Variants in GRID1 observed in about 807,000 individuals in gnomAD.
GRID1 encodes glutamate receptor ionotropic, delta-1.
Under a neutral mutation model 98.0 loss-of-function variants are expected in GRID1, and 28 were observed. The ratio of observed to expected loss-of-function variants is 0.29; its 90% CI spans 0.21 to 0.39. GRID1 has a LOEUF of 0.39. Ranked by LOEUF, GRID1 falls within the 10% of genes least tolerant of loss-of-function variation. GRID1 has a pLI of 1.00. For missense variants in GRID1, 1,111 were observed against 1,340.5 expected, an observed-to-expected ratio of 0.83 and a Z score of 2.67; for synonymous variants, 553 against 538.5, an observed-to-expected ratio of 1.03 and a Z score of -0.37.
At chr10:85,929,542 T>C (rs1841821463) in intron 4 of GRID1, among the ~76,000 whole-genome samples, 1 of 152,228 alleles carries the variant, frequency 6.6e-6, no homozygotes. Flanking sequence ...TTTTAAAATT[T>C]AAATATCAAA....
At chr10:86,173,844 T>C (rs1342745446) in intron 3 of GRID1, among the ~76,000 whole-genome samples, 3 of 151,574 alleles carry the variant, frequency 2.0e-5, no homozygotes, top group Admixed American at 6.6e-5. Context: ...TTTGTTCTTG[T>C]GATAGTTTAC....
intron 4 of GRID1, among the ~76,000 whole-genome samples, chr10:86,131,477 C>A (rs939940819): frequency 6.6e-6 from 1 of 152,154 alleles, no homozygotes; most frequent in South Asian, 2.1e-4. Flanking sequence ...ATTTAATGAC[C>A]CACAAAGGAA....
chr10:86,179,388 C>A (rs187869115), intron 3 of GRID1, among the ~76,000 whole-genome samples: 1 of 152,166 alleles, frequency 6.6e-6, no homozygotes, highest in Non-Finnish European at 1.5e-5. Context: ...AGGCTCTCCC[C>A]GATGGCGTGC....
At chr10:85,638,264 T>C (rs1373819254) in intron 13 of GRID1, among the ~76,000 whole-genome samples, 1 of 152,158 alleles carries the variant, frequency 6.6e-6, no homozygotes, top group Non-Finnish European at 1.5e-5. Flanking sequence ...ATTATAAAAA[T>C]ATAAGTTTTC....
intron 1 of GRID1, among the ~76,000 whole-genome samples, chr10:86,364,578 G>C (rs1025775832): frequency 6.6e-6 from 1 of 152,236 alleles, no homozygotes; most frequent in Admixed American, 6.5e-5. Flanking sequence ...CCCCTGCTGA[G>C]TGGAGCTGAG....
intron 2 of GRID1, among the ~76,000 whole-genome samples, chr10:86,316,437 C>G (rs375894497): frequency 1.4e-4 from 21 of 152,258 alleles, no homozygotes; most frequent in African/African-American, 2.2e-4. Context: ...AACAATCCCC[C>G]CCATCAGGCA....
chr10:86,273,811 A>C (rs1847224342), intron 2 of GRID1, among the ~76,000 whole-genome samples: 1 of 152,138 alleles, frequency 6.6e-6, no homozygotes, highest in African/African-American at 2.4e-5. Context: ...TCTGGATATT[A>C]GCCCTTTGTC....
intron 4 of GRID1, among the ~76,000 whole-genome samples, chr10:86,017,960 C>T (rs183957201): frequency 2.4e-4 from 36 of 152,296 alleles, no homozygotes; most frequent in African/African-American, 8.4e-4. Flanking sequence ...AGACTCAGTG[C>T]TACAGCTGCC....
intron 8 of GRID1, among the ~76,000 whole-genome samples, chr10:85,777,679 T>C (rs1842344776): frequency 6.6e-6 from 1 of 152,232 alleles, no homozygotes; most frequent in Admixed American, 6.5e-5. Flanking sequence ...TTTTGCCTAC[T>C]AAAGAGACTT....
intron 12 of GRID1, among the ~76,000 whole-genome samples, chr10:85,699,701 A>T (rs1470443500): frequency 6.6e-6 from 1 of 152,208 alleles, no homozygotes; most frequent in Non-Finnish European, 1.5e-5. Flanking sequence ...ATTGGAAGGA[A>T]TTCTACCTCA....
intron 12 of GRID1, among the ~76,000 whole-genome samples, chr10:85,687,522 T>C (rs1389287569): frequency 6.6e-6 from 1 of 151,970 alleles, no homozygotes; most frequent in East Asian, 1.9e-4. Context: ...CACAGCACTT[T>C]GGGAGGCTGA....
intron 12 of GRID1, among the ~76,000 whole-genome samples, chr10:85,695,606 G>A (rs1196201598): frequency 2.0e-5 from 3 of 152,010 alleles, no homozygotes; most frequent in African/African-American, 7.2e-5. Context: ...AGGAATAGAA[G>A]AATAAAAAGA....
intron 3 of GRID1, among the ~76,000 whole-genome samples, chr10:86,167,940 C>G (rs901769665): frequency 1.3e-5 from 2 of 152,216 alleles, no homozygotes; most frequent in African/African-American, 4.8e-5. Flanking sequence ...ACAGTGGGTT[C>G]TCCAGGACAG....
chr10:85,853,698 C>G (rs1843081644), intron 8 of GRID1, among the ~76,000 whole-genome samples: 1 of 152,206 alleles, frequency 6.6e-6, no homozygotes, highest in African/African-American at 2.4e-5. Flanking sequence ...CACATTGGCT[C>G]ACAGTGACCA....
Position 85,726,750 on chromosome 10 carries a change from C to T in GRID1, c.1533+1105G>A, listed in dbSNP as rs534654806. On this transcript the variant is annotated intron_variant, in intron 10 of 15. Transcript: ENST00000327946. Reference sequence around the variant, plus strand: ...AAGATAGAAAGTAGATTAATGGTTGCCTAGGGCTGGGGGTGGGAATGGCAT... The same window carrying T: ...AAGATAGAAAGTAGATTAATGGTTGTCTAGGGCTGGGGGTGGGAATGGCAT... Among the ~76,000 whole-genome samples the T allele has an allele frequency of 4.6e-5, 7 of 152,196 alleles. No homozygotes were observed. In the South Asian group the frequency reaches 1.5e-3, roughly 32 times the overall value.
intron 2 of GRID1, among the ~76,000 whole-genome samples, chr10:86,363,330 G>GCGGCGGCGCCTCCGC (rs1209554714): frequency 3.2e-4 from 48 of 152,212 alleles, no homozygotes; most frequent in South Asian, 4.1e-4. Flanking sequence ...TCCGGCCCAG[G>GCGGCGGCGCCTCCGC]CGGCGGCGCC....
chr10:85,713,645 AC>A (rs1356173887), intron 12 of GRID1, among the ~76,000 whole-genome samples: 2 of 151,164 alleles, frequency 1.3e-5, no homozygotes, highest in African/African-American at 2.4e-5. Context: ...AAAAAAAAAA[AC>A]ATATCCCATG....
intron 4 of GRID1, among the ~76,000 whole-genome samples, chr10:86,013,196 G>A (rs1334196372): frequency 6.6e-6 from 1 of 152,186 alleles, no homozygotes; most frequent in Non-Finnish European, 1.5e-5. Context: ...CTTCCCGATT[G>A]ACTCTCCCTG....
chr10:86,094,808 G>A lies in GRID1; in HGVS notation c.726+44011C>T, dbSNP rs531387780. Among the ~76,000 whole-genome samples the A allele has an allele frequency of 1.7e-4, 25 of 150,042 alleles. No homozygotes were observed. In the South Asian group the frequency reaches 4.2e-3, roughly 25 times the overall value. ...TCAACGCAATCCCCATCAGAATACC[G>A]CCATCGTTCTTCACAGAATTAGAAA... On this transcript the variant is annotated intron_variant, in intron 4 of 15. Coordinates refer to ENST00000327946, the MANE Select transcript of GRID1 (RefSeq NM_017551.3).
Sources: gnomAD v4.1 joint callset for allele counts (sites outside exome capture counted in the v4.1 genomes callset) on GRCh38, gnomAD v4.1.1 for gene constraint, MANE v1.5 for transcripts, NCBI Gene and HGNC (gene_info 2026-07-23, HGNC 2026-07-21) for gene names.